CHSY3: variants seen among roughly 807,000 people sequenced by gnomAD.
The protein encoded by CHSY3 is N-acetylgalactosaminyl-proteoglycan 3-beta-glucuronosyltransferase 3.
In CHSY3, 35 loss-of-function variants were observed where a neutral mutation model predicts 67.2. The ratio of observed to expected loss-of-function variants is 0.52; its 90% CI spans 0.40 to 0.69. CHSY3 has a LOEUF of 0.69. Among genes scored for constraint, CHSY3 ranks in the 30% least tolerant of loss-of-function variants. The pLI is 0.00. For synonymous variants in CHSY3, 474 were observed against 434.7 expected (o/e 1.09, Z -1.12); for missense variants, 1,069 against 1,138.5 (o/e 0.94, Z 0.88).
intron 2 of CHSY3, among the ~76,000 whole-genome samples, chr5:130,053,133 A>G (rs927993762): frequency 6.6e-6 from 1 of 152,272 alleles, no homozygotes; most frequent in Middle Eastern, 3.4e-3. Context: ...TCTAAATTGA[A>G]TAATTAAAGA....
intron 2 of CHSY3, among the ~76,000 whole-genome samples, chr5:130,102,176 G>A (rs867012671): frequency 3.4e-4 from 51 of 151,994 alleles, no homozygotes; most frequent in African/African-American, 1.2e-3. Flanking sequence ...ATATTTCAGT[G>A]GTATATTAAA....
At chr5:130,094,284 TA>T (rs1391761764) in intron 2 of CHSY3, among the ~76,000 whole-genome samples, 1 of 152,064 alleles carries the variant, frequency 6.6e-6, no homozygotes, top group Non-Finnish European at 1.5e-5. Context: ...AATTACCCCC[TA>T]AAAAAATCTA....
At chr5:130,011,652 G>T (rs548883743) in intron 2 of CHSY3, among the ~76,000 whole-genome samples, 3 of 152,034 alleles carry the variant, frequency 2.0e-5, no homozygotes, top group Non-Finnish European at 4.4e-5. Context: ...GAAATAAAAG[G>T]CATCCAAATA....
chr5:129,972,113 A>G (rs1762655517), intron 2 of CHSY3, among the ~76,000 whole-genome samples: 1 of 152,098 alleles, frequency 6.6e-6, no homozygotes, highest in South Asian at 2.1e-4. Context: ...CTGAATTCAG[A>G]TAGGTAACTT....
intron 2 of CHSY3, among the ~76,000 whole-genome samples, chr5:130,029,721 T>C (rs1353529654): frequency 1.3e-5 from 2 of 152,164 alleles, no homozygotes; most frequent in Non-Finnish European, 2.9e-5. Flanking sequence ...TATTGTTTTA[T>C]ATCTACCAGA....
intron 2 of CHSY3, among the ~76,000 whole-genome samples, chr5:130,067,889 C>A (rs912410007): frequency 6.6e-6 from 1 of 152,072 alleles, no homozygotes; most frequent in Non-Finnish European, 1.5e-5. Context: ...ATAGGTTCCC[C>A]AAAATAAATG....
chr5:130,037,050 G>A (rs1418812120), intron 2 of CHSY3, among the ~76,000 whole-genome samples: 3 of 152,144 alleles, frequency 2.0e-5, no homozygotes, highest in Non-Finnish European at 2.9e-5. Flanking sequence ...GATGCTTATT[G>A]GAAGTAGGAT....
intron 2 of CHSY3, among the ~76,000 whole-genome samples, chr5:130,056,458 G>A (rs1445625623): frequency 1.3e-5 from 2 of 152,092 alleles, no homozygotes; most frequent in African/African-American, 4.8e-5. Flanking sequence ...AAATATAGTC[G>A]TGATTTGTAA....
At chr5:130,027,213 C>G (rs1281657742) in intron 2 of CHSY3, among the ~76,000 whole-genome samples, 1 of 152,028 alleles carries the variant, frequency 6.6e-6, no homozygotes, top group African/African-American at 2.4e-5. Context: ...TAATGTGAGT[C>G]TAATAAATCT....
intron 2 of CHSY3, among the ~76,000 whole-genome samples, chr5:130,148,693 CT>C (rs1472596503): frequency 3.3e-5 from 5 of 152,040 alleles, no homozygotes; most frequent in Non-Finnish European, 5.9e-5. Context: ...ATATGTATGT[CT>C]TCTTTTAAAA....
Position 130,001,675 on chromosome 5 carries a change from G to A in CHSY3, c.1086+93315G>A, listed in dbSNP as rs141734360. On this transcript the variant is annotated intron_variant, in intron 2 of 2. Coordinates refer to ENST00000305031, the MANE Select transcript of CHSY3 (RefSeq NM_175856.5). ...TGTAGAGAGTAATTTATAAGCCTGCGTCTTGACTATTCACAATTATTTCAT... is the reference window on the plus strand; with the variant it reads ...TGTAGAGAGTAATTTATAAGCCTGCATCTTGACTATTCACAATTATTTCAT... 4.2e-4 allele frequency: 303 copies of A among 718,750 alleles called. 4 individuals carry two copies. The East Asian group carries it at 0.013, about 31-fold the overall frequency. 44.5% of individuals were successfully genotyped at this position (718,750 alleles called of 1,614,324 possible).
intron 2 of CHSY3, among the ~76,000 whole-genome samples, chr5:129,992,571 A>C (rs1222132920): frequency 2.6e-5 from 4 of 152,160 alleles, no homozygotes; most frequent in Admixed American, 2.6e-4. Context: ...TAGATTTTTA[A>C]ATGGGACCTA....
At position 129,962,685 on chromosome 5, in the gene CHSY3, C is replaced by G. The variant is rs926419234; in HGVS notation, c.1086+54325C>G. ...TGCTCTCCAACCACCACAGCCTTCTCTAGTCAAGCAAAGAAATCCTGCTTC... is the reference window on the plus strand; with the variant it reads ...TGCTCTCCAACCACCACAGCCTTCTGTAGTCAAGCAAAGAAATCCTGCTTC... On this transcript the variant is annotated intron_variant, in intron 2 of 2. Coordinates refer to ENST00000305031, the MANE Select transcript of CHSY3 (RefSeq NM_175856.5). 2.6e-5 allele frequency among the ~76,000 whole-genome samples: 4 copies of G among 152,024 alleles called. No individual in the cohort carries two copies. In the South Asian group the frequency reaches 6.2e-4, roughly 24 times the overall value.
At chr5:130,180,488 C>T (rs1409694540) in intron 2 of CHSY3, among the ~76,000 whole-genome samples, 3 of 151,972 alleles carry the variant, frequency 2.0e-5, no homozygotes, top group African/African-American at 7.3e-5. Context: ...CCAAAAGTTA[C>T]CTTGTGCCTA....
At chr5:129,906,843 A>C (rs1182500516) in intron 1 of CHSY3, among the ~76,000 whole-genome samples, 1 of 151,924 alleles carries the variant, frequency 6.6e-6, no homozygotes, top group African/African-American at 2.4e-5. Context: ...TGCAAGAAAA[A>C]CGAACAAAAA....
At chr5:129,997,240 T>C (rs928231500) in intron 2 of CHSY3, among the ~76,000 whole-genome samples, 5 of 152,130 alleles carry the variant, frequency 3.3e-5, no homozygotes, top group African/African-American at 1.2e-4. Context: ...TATATGACAA[T>C]ATATGCCATA....
intron 2 of CHSY3, among the ~76,000 whole-genome samples, chr5:130,020,619 A>AC (rs78361774): frequency 0.52 from 78,534 of 150,900 alleles, 21,180 homozygotes; most frequent in East Asian, 0.67. Context: ...TATCTGAATC[A>AC]CCTGAGATGC....
At chr5:130,140,184 A>G (rs17165576) in intron 2 of CHSY3, 9,090 of 247,210 alleles carry the variant, frequency 0.037, 661 homozygotes, top group African/African-American at 0.15. Flanking sequence ...ATGATTGATC[A>G]GTGATGCCAC....
chr5:130,129,852 C>A (rs1768423456), intron 2 of CHSY3, among the ~76,000 whole-genome samples: 1 of 151,942 alleles, frequency 6.6e-6, no homozygotes, highest in South Asian at 2.1e-4. Flanking sequence ...AAAGAAAGCA[C>A]ATGAAAGTTC....
Sources: gnomAD v4.1 joint callset for allele counts (sites outside exome capture counted in the v4.1 genomes callset) on GRCh38, gnomAD v4.1.1 for gene constraint, MANE v1.5 for transcripts, NCBI Gene and HGNC (gene_info 2026-07-23, HGNC 2026-07-21) for gene names.